The following ITGB2 variants were observed in gnomAD, a reference collection of about 807,000 sequenced individuals.
ITGB2 encodes the protein integrin subunit beta 2.
A neutral mutation model predicts 86.8 loss-of-function variants in ITGB2; 56 were observed. That is an observed-to-expected ratio of 0.65 (90% confidence interval 0.52 to 0.81). The LOEUF is 0.81. Among genes scored for constraint, ITGB2 ranks in the 30% least tolerant of loss-of-function variants. The pLI, the probability that ITGB2 is intolerant of heterozygous loss-of-function variation, is 0.00. For missense variants in ITGB2, 948 were observed against 1,061.2 expected, an observed-to-expected ratio of 0.89 and a Z score of 1.48; for synonymous variants, 457 against 450.4, an observed-to-expected ratio of 1.01 and a Z score of -0.19.
At chr21:44,908,028 C>G in intron 3 of ITGB2, 1 of 717,090 alleles carries the variant, frequency 1.4e-6, no homozygotes, top group East Asian at 2.7e-5. Flanking sequence ...TGAAAACCTC[C>G]AGAAAGGGGA....
At chr21:44,889,162 G>A (rs980997806) in intron 13 of ITGB2, 114 bp downstream of exon 13, 1 of 1,056,246 alleles carries the variant, frequency 9.5e-7, no homozygotes, top group Non-Finnish European at 1.4e-6. Context: ...CGCACCCGCA[G>A]AGAACCCCGC....
chr21:44,889,223 G>T lies in ITGB2; in HGVS notation c.1877+53C>A, dbSNP rs1469523420. 11 of 1,562,342 alleles carry T rather than the reference G, an allele frequency of 7.0e-6. No homozygotes were observed. In the African/African-American group the frequency reaches 1.1e-4, roughly 15 times the overall value. ...CCGAGTGAGCCCGGCTGCTGGGTAG[G>T]TGGCCGGGGAGTGGGGATCCCTGCC... On this transcript the variant is annotated intron_variant, in intron 13 of 15. Transcript: ENST00000652462.
Position 44,907,092 on chromosome 21 carries a change from A to T in ITGB2, c.151T>A (p.Phe51Ile). The T allele has an allele frequency of 6.3e-7, 1 of 1,596,616 alleles. No individual in the cohort carries two copies. The highest frequency in any genetic ancestry group is 1.1e-5 in the South Asian group (1 of 89,588). The change falls in exon 4 of 16, where the codon TTC becomes ATC. Residue 51 changes from phenylalanine (F) to isoleucine (I), a missense_variant. Transcript: ENST00000652462. ...GAGTCAGGATCCCCCGGCCCTGTGA[A>T]GTTCTGGGGAGGGGGAGTCAGGGGT... ...PGCTWCQKLNFTGPGDPDSIR... is the reference protein window; with the variant it reads ...PGCTWCQKLNITGPGDPDSIR...
intron 11 of ITGB2, among the ~76,000 whole-genome samples, chr21:44,891,019 C>G (rs2083778793): frequency 6.6e-6 from 1 of 151,506 alleles, no homozygotes; most frequent in African/African-American, 2.4e-5. Flanking sequence ...GCAGCAGGGA[C>G]CTGAAGGTGA....
chr21:44,898,931 T>A, intron 8 of ITGB2, 136 bp downstream of exon 8: 1 of 753,272 alleles, frequency 1.3e-6, no homozygotes, highest in South Asian at 1.5e-5. Flanking sequence ...CCTAGGGGGA[T>A]CCAGGACCTG....
chr21:44,914,816 C>T (rs1387027886), intron 1 of ITGB2, among the ~76,000 whole-genome samples: 1 of 152,054 alleles, frequency 6.6e-6, no homozygotes, highest in Non-Finnish European at 1.5e-5. Flanking sequence ...ATCTCTAGTC[C>T]CAGTTACTCA....
intron 10 of ITGB2, chr21:44,893,163 C>A (rs968463575): frequency 2.1e-5 from 10 of 483,370 alleles, no homozygotes; most frequent in Admixed American, 1.3e-4. Context: ...CGTCTGGCCT[C>A]GGCAGAGAGG....
chr21:44,925,467 G>A (rs910771541), upstream of ITGB2, among the ~76,000 whole-genome samples: 3 of 146,592 alleles, frequency 2.0e-5, no homozygotes, highest in African/African-American at 7.6e-5. Flanking sequence ...AAGGAAGGAA[G>A]GAAGGAAGGA....
chr21:44,893,742 C>T lies in ITGB2; in HGVS notation c.1084-198G>A, dbSNP rs1351920683. Reference sequence around the variant, plus strand: ...GGCCACAGTCCTGCCCTCGAGACAGCCTGACCACAGGGACTAGCATGGAGC... The same window carrying T: ...GGCCACAGTCCTGCCCTCGAGACAGTCTGACCACAGGGACTAGCATGGAGC... On this transcript the variant is annotated intron_variant, in intron 9 of 15. Transcript: ENST00000652462. 4.6e-6 allele frequency: 3 copies of T among 659,092 alleles called. No homozygotes were observed. In the African/African-American group the frequency reaches 5.4e-5, roughly 12 times the overall value. 40.8% of individuals were successfully genotyped at this position (659,092 alleles called of 1,614,324 possible).
intron 1 of ITGB2, among the ~76,000 whole-genome samples, chr21:44,915,328 G>C (rs1055928181): frequency 6.6e-6 from 1 of 152,104 alleles, no homozygotes; most frequent in African/African-American, 2.4e-5. Context: ...CCAGTCTCAG[G>C]CTTCCTTTTT....
At chr21:44,890,283 C>T (rs772243567) in intron 11 of ITGB2, 61 bp from the exon 12 acceptor site, 146 of 1,602,908 alleles carry the variant, frequency 9.1e-5, no homozygotes, top group Middle Eastern at 1.7e-4. Flanking sequence ...AAGGGACAGC[C>T]GCCCTGTCCT....
chr21:44,927,161 G>A (rs2084382664), intron 1 of ITGB2, among the ~76,000 whole-genome samples: 1 of 152,168 alleles, frequency 6.6e-6, no homozygotes, highest in Non-Finnish European at 1.5e-5. Context: ...TCTGTGACAG[G>A]TGGGATTCTG....
chr21:44,916,241 G>C (rs1014997455), intron 1 of ITGB2, among the ~76,000 whole-genome samples: 1 of 152,028 alleles, frequency 6.6e-6, no homozygotes, highest in Non-Finnish European at 1.5e-5. Flanking sequence ...AATTTTAAAG[G>C]CCACAATTTC....
chr21:44,895,240 T>A (rs2083848106), intron 8 of ITGB2, among the ~76,000 whole-genome samples, 180 bp from the exon 9 acceptor site: 1 of 151,698 alleles, frequency 6.6e-6, no homozygotes, highest in Non-Finnish European at 1.5e-5. Context: ...TTCTTGGGGG[T>A]AAAAAGCCCT....
intron 5 of ITGB2, among the ~76,000 whole-genome samples, chr21:44,902,089 T>C (rs1485137394): frequency 6.6e-6 from 1 of 152,218 alleles, no homozygotes; most frequent in African/African-American, 2.4e-5. Context: ...AGTGTGTACA[T>C]GCGTAGCACA....
At chr21:44,924,167 C>T (rs763718765), upstream of ITGB2, among the ~76,000 whole-genome samples, 97 of 152,240 alleles carry the variant, frequency 6.4e-4, no homozygotes, top group Non-Finnish European at 2.5e-4. Flanking sequence ...CGGTGGCTCA[C>T]ACCTGCAATC....
upstream of ITGB2, among the ~76,000 whole-genome samples, chr21:44,921,798 T>C (rs1393923633): frequency 1.3e-5 from 2 of 152,218 alleles, no homozygotes; most frequent in Admixed American, 1.3e-4. Flanking sequence ...CTCAGCTCAC[T>C]GCAACCTCTG....
At chr21:44,919,022 C>T (rs149621562) in intron 1 of ITGB2, among the ~76,000 whole-genome samples, 75,541 of 142,780 alleles carry the variant, frequency 0.53, 21,777 homozygotes, top group African/African-American at 0.82. Flanking sequence ...CACTCGGAGG[C>T]ACCTGCAGTT....
At position 44,901,545 on chromosome 21, in the gene ITGB2, G is replaced by C; in HGVS notation, c.688C>G (p.Leu230Val). The C allele has an allele frequency of 6.2e-7, 1 of 1,614,254 alleles. No homozygotes were observed. The highest frequency in any genetic ancestry group is 2.2e-5 in the East Asian group (1 of 44,884). ...EVGKQLISGNLDAPEGGLDAM... is the reference protein window; with the variant it reads ...EVGKQLISGNVDAPEGGLDAM... ...TCCAGCCCACCCTCGGGTGCATCCAGGTTTCCGGAAATCAGCTGCTTCCCG... is the reference window on the plus strand; with the variant it reads ...TCCAGCCCACCCTCGGGTGCATCCACGTTTCCGGAAATCAGCTGCTTCCCG... The change falls in exon 6 of 16, where the codon CTG becomes GTG. Residue 230 changes from leucine (L) to valine (V), a missense_variant. Physicochemically the swap from Leu to Val is conservative, Grantham distance 32. Coordinates refer to ENST00000652462, the MANE Select transcript of ITGB2 (RefSeq NM_000211.5).
Sources: allele counts gnomAD v4.1 joint callset (sites outside exome capture counted in the v4.1 genomes callset), GRCh38; gene constraint gnomAD v4.1.1; transcripts MANE v1.5; gene names NCBI Gene and HGNC (gene_info 2026-07-23, HGNC 2026-07-21).